RTTN: variants seen among roughly 807,000 people sequenced by gnomAD.
RTTN encodes rotatin.
A neutral mutation model predicts 269.2 loss-of-function variants in RTTN; 182 were observed. That is an observed-to-expected ratio of 0.68 (90% CI 0.60 to 0.76). The LOEUF (loss-of-function observed/expected upper bound fraction) is 0.76, where lower values mean the gene tolerates loss of function less well. Ranked by LOEUF, RTTN falls within the 30% of genes least tolerant of loss-of-function variation. The pLI is 0.00. For synonymous variants in RTTN, 1,006 were observed against 963.5 expected, an observed-to-expected ratio of 1.04 and a Z score of -0.82; for missense variants, 2,545 against 2,608.6, an observed-to-expected ratio of 0.98 and a Z score of 0.53.
chr18:70,169,872 G>A (rs914808838), intron 11 of RTTN, among the ~76,000 whole-genome samples: 2 of 152,146 alleles, frequency 1.3e-5, no homozygotes, highest in Non-Finnish European at 2.9e-5. Flanking sequence ...CTGAAATGCT[G>A]TCTTTACAAA....
At chr18:70,043,913 G>C (rs1034226036) in intron 40 of RTTN, among the ~76,000 whole-genome samples, 4 of 152,200 alleles carry the variant, frequency 2.6e-5, no homozygotes, top group Non-Finnish European at 5.9e-5. Flanking sequence ...GAGGAGCCTG[G>C]AGGCAGCAAG....
chr18:70,168,883 CAG>C lies in RTTN; in HGVS notation c.1659_1660del (p.Cys554Ter). On this transcript the variant is annotated frameshift_variant, in exon 12 of 49. Transcript: ENST00000640769. LOFTEE classifies it high-confidence loss of function. ...TTTCCCAATATCAGACAGGAAGTTA[CAG>C]GTGCATTCAATTGAATAAACGGCCT... The C allele has an allele frequency of 6.2e-7, 1 of 1,611,666 alleles. No homozygotes were observed. Among genetic ancestry groups the C allele is most frequent in the Non-Finnish European group, 8.5e-7 (1 of 1,179,150 alleles).
At chr18:70,034,789 GA>G (rs2057121173) in intron 40 of RTTN, among the ~76,000 whole-genome samples, 1 of 152,144 alleles carries the variant, frequency 6.6e-6, no homozygotes, top group African/African-American at 2.4e-5. Context: ...CCTATATCTA[GA>G]AAACCCCATC....
chr18:70,146,860 C>A (rs1272582859), intron 17 of RTTN, among the ~76,000 whole-genome samples: 1 of 152,174 alleles, frequency 6.6e-6, no homozygotes, highest in Non-Finnish European at 1.5e-5. Flanking sequence ...ATATTGTTAA[C>A]TGATATCATC....
intron 33 of RTTN, 157 bp downstream of exon 33, chr18:70,075,195 C>CGGGAAGAAAATACATCTCTCTGGGT: frequency 1.9e-6 from 1 of 527,420 alleles, no homozygotes; most frequent in South Asian, 3.1e-5. Flanking sequence ...AGAAAGAAGA[C>CGGGAAGAAAATACATCTCTCTGGGT]GGGAAGAAAA....
intron 10 of RTTN, among the ~76,000 whole-genome samples, chr18:70,180,800 G>A (rs952572140): frequency 6.6e-6 from 1 of 152,124 alleles, no homozygotes; most frequent in African/African-American, 2.4e-5. Context: ...TACAGTAAGT[G>A]CTATATTTAA....
At chr18:70,162,289 G>A (rs566961664) in intron 14 of RTTN, among the ~76,000 whole-genome samples, 3 of 152,298 alleles carry the variant, frequency 2.0e-5, no homozygotes, top group African/African-American at 7.2e-5. Flanking sequence ...TCACTTAGAA[G>A]TGGGAACTAA....
chr18:70,108,185 G>A (rs2059372043), intron 28 of RTTN, among the ~76,000 whole-genome samples: 2 of 152,070 alleles, frequency 1.3e-5, no homozygotes, highest in South Asian at 2.1e-4. Context: ...GCTGAGGCAG[G>A]AGAATCACTT....
chr18:70,071,929 T>C (rs1443368542), intron 34 of RTTN, among the ~76,000 whole-genome samples: 1 of 152,170 alleles, frequency 6.6e-6, no homozygotes, highest in African/African-American at 2.4e-5. Flanking sequence ...AACAAAGATA[T>C]AAATAAGCAG....
intron 9 of RTTN, among the ~76,000 whole-genome samples, chr18:70,190,265 A>T (rs1432741077): frequency 6.6e-6 from 1 of 152,106 alleles, no homozygotes; most frequent in Non-Finnish European, 1.5e-5. Flanking sequence ...AAATGCAAAA[A>T]ATAGATAAAA....
chr18:70,184,706 T>TGTGTGTGTG (rs1369363481), intron 10 of RTTN, among the ~76,000 whole-genome samples: 7 of 54,192 alleles, frequency 1.3e-4, no homozygotes, highest in African/African-American at 5.3e-4. Flanking sequence ...ACAGCAGGTT[T>TGTGTGTGTG]TTTTTTTTTT....
Position 70,048,191 on chromosome 18 carries a change from A to G in RTTN, c.5324-3T>C. The G allele has an allele frequency of 6.2e-7, 1 of 1,602,864 alleles. No homozygotes were observed. The highest frequency in any genetic ancestry group is 8.5e-7 in the Non-Finnish European group (1 of 1,172,180). ...GCCTGCACATGTGCAGAACATATCT[A>G]AAGGAATAATTTCAGATGTGAATGT... On this transcript the variant is annotated splice_polypyrimidine_tract_variant and splice_region_variant and intron_variant, in intron 39 of 48. Coordinates refer to ENST00000640769, the MANE Select transcript of RTTN (RefSeq NM_173630.4).
chr18:70,042,377 T>C (rs1052116952), intron 40 of RTTN, among the ~76,000 whole-genome samples: 65 of 136,698 alleles, frequency 4.8e-4, no homozygotes, highest in Admixed American at 1.6e-3. Context: ...TTTTTTTTTT[T>C]TTTTTTTTTT....
intron 10 of RTTN, among the ~76,000 whole-genome samples, chr18:70,187,845 TG>T (rs1026789810): frequency 1.1e-4 from 17 of 152,154 alleles, no homozygotes; most frequent in Non-Finnish European, 2.1e-4. Flanking sequence ...TAATTGTTCC[TG>T]AAAGAAAAGA....
At chr18:70,155,895 T>C (rs994804684) in intron 14 of RTTN, among the ~76,000 whole-genome samples, 8 of 152,208 alleles carry the variant, frequency 5.3e-5, no homozygotes, top group Admixed American at 1.3e-4. Context: ...TGGACACTTA[T>C]CACTTCCCCA....
At chr18:70,066,832 A>C (rs2058149112) in intron 34 of RTTN, among the ~76,000 whole-genome samples, 1 of 152,226 alleles carries the variant, frequency 6.6e-6, no homozygotes, top group East Asian at 1.9e-4. Context: ...AATGAAAGCA[A>C]AAACTAAGGT....
intron 25 of RTTN, among the ~76,000 whole-genome samples, chr18:70,121,973 C>T (rs767313160): frequency 7.9e-5 from 12 of 151,902 alleles, no homozygotes; most frequent in African/African-American, 2.7e-4. Context: ...AGAAAAAGTA[C>T]CAAAAAAATA....
intron 40 of RTTN, among the ~76,000 whole-genome samples, chr18:70,039,833 G>A (rs1439221301): frequency 6.6e-6 from 1 of 152,154 alleles, no homozygotes; most frequent in Non-Finnish European, 1.5e-5. Context: ...TAAAGTTAAA[G>A]TGTAGAGTTT....
intron 26 of RTTN, among the ~76,000 whole-genome samples, chr18:70,119,761 G>C (rs1382010719): frequency 6.6e-6 from 1 of 152,094 alleles, no homozygotes. Context: ...GTAATACATG[G>C]TTTCCATTTT....
Sources: allele counts gnomAD v4.1 joint callset (sites outside exome capture counted in the v4.1 genomes callset), GRCh38; gene constraint gnomAD v4.1.1; transcripts MANE v1.5; gene names NCBI Gene and HGNC (gene_info 2026-07-23, HGNC 2026-07-21).